The following EPHB1 variants were observed in gnomAD, a reference collection of about 807,000 sequenced individuals.
The protein encoded by EPHB1 is EPH receptor B1, also known as ephrin type-B receptor 1.
EPHB1 carries 30 observed loss-of-function variants against 94.4 expected under a neutral mutation model. The observed-to-expected ratio is 0.32, with a 90% CI of 0.24 to 0.43. The LOEUF is 0.43. Among genes scored for constraint, EPHB1 ranks in the 20% least tolerant of loss-of-function variants. The pLI is 1.00. For synonymous variants in EPHB1, 522 were observed against 489.1 expected (o/e 1.07, Z -0.89); for missense variants, 1,055 against 1,308.3 (o/e 0.81, Z 2.99).
At chr3:135,053,009 A>C (rs1302520241) in intron 3 of EPHB1, among the ~76,000 whole-genome samples, 1 of 35,352 alleles carries the variant, frequency 2.8e-5, no homozygotes. Flanking sequence ...GTGTGTGTAT[A>C]TATATGTGTG....
chr3:135,223,433 A>G (rs1943318389), intron 12 of EPHB1, among the ~76,000 whole-genome samples: 2 of 152,234 alleles, frequency 1.3e-5, no homozygotes, highest in Non-Finnish European at 2.9e-5. Flanking sequence ...TGAAAAGTAT[A>G]GGCCATCAAA....
In EPHB1 at chr3:134,978,990, G is replaced by C. The variant is rs1024058468; in HGVS notation, c.805+26938G>C. Among the ~76,000 whole-genome samples the C allele has an allele frequency of 2.0e-5, 3 of 152,202 alleles. No individual in the cohort carries two copies. The East Asian group carries it at 5.8e-4, about 29-fold the overall frequency. On this transcript the variant is annotated intron_variant, in intron 3 of 15. Transcript: ENST00000398015. ...TGATGTTGTCCTCATGGAGGGTGGG[G>C]CCAGGGGCCTTGGGGTCTGGCATCC...
chr3:135,153,763 GC>G (rs2107694916), intron 5 of EPHB1, among the ~76,000 whole-genome samples: 1 of 152,260 alleles, frequency 6.6e-6, no homozygotes, highest in African/African-American at 2.4e-5. Flanking sequence ...CAATAGCTCA[GC>G]CCACAACTGC....
chr3:134,956,613 G>T (rs149412930), intron 3 of EPHB1, among the ~76,000 whole-genome samples: 2 of 152,244 alleles, frequency 1.3e-5, no homozygotes, highest in East Asian at 3.9e-4. Flanking sequence ...CTAACCTAAA[G>T]ATAGGGGCTG....
At chr3:135,081,324 G>C (rs1938156172) in intron 3 of EPHB1, among the ~76,000 whole-genome samples, 1 of 152,200 alleles carries the variant, frequency 6.6e-6, no homozygotes, top group Non-Finnish European at 1.5e-5. Flanking sequence ...ATGGAGGGTG[G>C]AGGGTGTTTA....
At position 135,251,409 on chromosome 3, in the gene EPHB1, T is replaced by C. The variant is rs576198840; in HGVS notation, c.2846+1918T>C. ...GTGATTTGACTGCGTATGGGGGCCA[T>C]TGTCACGTAATCCCCCAGGATCTAA... On this transcript the variant is annotated intron_variant, in intron 15 of 15. Transcript: ENST00000398015. Among the ~76,000 whole-genome samples the C allele has an allele frequency of 6.6e-5, 10 of 152,270 alleles. No homozygotes were observed. The South Asian group carries it at 1.0e-3, about 16-fold the overall frequency.
chr3:135,226,087 C>T (rs1487432271), intron 12 of EPHB1, among the ~76,000 whole-genome samples: 2 of 152,256 alleles, frequency 1.3e-5, no homozygotes. Context: ...AGTGGGGTTT[C>T]TGTAGTGCAG....
chr3:135,081,649 CT>C (rs758801545), intron 3 of EPHB1, among the ~76,000 whole-genome samples: 2 of 152,150 alleles, frequency 1.3e-5, no homozygotes, highest in Non-Finnish European at 2.9e-5. Context: ...AGGAGTGCTT[CT>C]TATTGGTGGA....
At chr3:134,926,176 A>AGATCAGAGATCTGTGATGCC (rs2107702417) in intron 2 of EPHB1, among the ~76,000 whole-genome samples, 1 of 152,326 alleles carries the variant, frequency 6.6e-6, no homozygotes, top group South Asian at 2.1e-4. Context: ...GCACTGAGGC[A>AGATCAGAGATCTGTGATGCC]GATCAGAGAT....
chr3:135,050,781 C>T (rs1937146488), intron 3 of EPHB1, among the ~76,000 whole-genome samples: 5 of 152,134 alleles, frequency 3.3e-5, no homozygotes, highest in Admixed American at 3.3e-4. Flanking sequence ...TCCTCTCTCG[C>T]CATATGACAC....
In EPHB1 at chr3:135,179,569, G is replaced by A. The variant is rs149598178; in HGVS notation, c.1760-291G>A. ...TTGCCTTCTGTGAGCACCCGGTGTG[G>A]GAACTGGTCCCGATCTGTCACTTAT... On this transcript the variant is annotated intron_variant, in intron 9 of 15. Coordinates refer to ENST00000398015, the MANE Select transcript of EPHB1 (RefSeq NM_004441.5). Among the ~76,000 whole-genome samples, 133 of 152,278 alleles carry A rather than the reference G, an allele frequency of 8.7e-4. 1 individual carries two copies. The highest frequency in any genetic ancestry group is 3.1e-3 in the African/African-American group (127 of 41,560).
intron 1 of EPHB1, among the ~76,000 whole-genome samples, chr3:134,798,752 G>A (rs907712281): frequency 1.3e-5 from 2 of 152,206 alleles, no homozygotes; most frequent in Non-Finnish European, 2.9e-5. Flanking sequence ...TCTGTGAAGC[G>A]AAGGCAGCTG....
chr3:134,888,065 G>A (rs1346268509), intron 1 of EPHB1, among the ~76,000 whole-genome samples: 1 of 152,162 alleles, frequency 6.6e-6, no homozygotes, highest in Non-Finnish European at 1.5e-5. Flanking sequence ...CTCTATCTCT[G>A]GTGCGGCCCC....
At chr3:134,814,217 G>A (rs1408290736) in intron 1 of EPHB1, among the ~76,000 whole-genome samples, 1 of 152,186 alleles carries the variant, frequency 6.6e-6, no homozygotes, top group Admixed American at 6.5e-5. Context: ...TGATATACCT[G>A]TTGCTGGATG....
intron 1 of EPHB1, among the ~76,000 whole-genome samples, chr3:134,848,456 T>A (rs2108298695): frequency 6.6e-6 from 1 of 152,352 alleles, no homozygotes; most frequent in South Asian, 2.1e-4. Context: ...ATTAGGATAA[T>A]AAAATGGAAA....
At chr3:135,240,340 G>A (rs370279120) in intron 12 of EPHB1, among the ~76,000 whole-genome samples, 9 of 152,272 alleles carry the variant, frequency 5.9e-5, no homozygotes, top group African/African-American at 2.2e-4. Context: ...GTGGATAGAT[G>A]TGAATCCCTT....
At position 135,219,114 on chromosome 3, in the gene EPHB1, C is replaced by G. The variant is rs557294023; in HGVS notation, c.2346+17425C>G. ...TGAAAGAAACTGAGGTAGACGTAAGCCTCATCAGAACAGAGGAGGCTAGAA... is the reference window on the plus strand; with the variant it reads ...TGAAAGAAACTGAGGTAGACGTAAGGCTCATCAGAACAGAGGAGGCTAGAA... On this transcript the variant is annotated intron_variant, in intron 12 of 15. Transcript: ENST00000398015. 2.6e-5 allele frequency among the ~76,000 whole-genome samples: 4 copies of G among 152,224 alleles called. No homozygotes were observed. In the South Asian group the frequency reaches 8.3e-4, roughly 32 times the overall value.
Position 135,061,372 on chromosome 3 carries a change from C to CCCA in EPHB1, c.806-45074_806-45073insACC, listed in dbSNP as rs1553727880. On this transcript the variant is annotated intron_variant, in intron 3 of 15. Coordinates refer to ENST00000398015, the MANE Select transcript of EPHB1 (RefSeq NM_004441.5). ...AGCTCCCACTTAGGAATGACCACCC[C>CCCA]CCCCGACCCAAGTCCCCAAAGTCCA... Among the ~76,000 whole-genome samples the CCCA allele has an allele frequency of 1.3e-3, 172 of 130,166 alleles. 6 individuals are homozygous for CCCA. Among genetic ancestry groups the CCCA allele is most frequent in the South Asian group, 5.6e-3 (19 of 3,398 alleles). The allele number at this position is 130,166 out of a possible 152,430, so 85.4% of individuals were successfully genotyped here.
chr3:135,152,699 G>T (rs1941230231), intron 5 of EPHB1, among the ~76,000 whole-genome samples: 1 of 152,156 alleles, frequency 6.6e-6, no homozygotes, highest in African/African-American at 2.4e-5. Context: ...TTGCCCATCA[G>T]AGTAGTCCCA....
Sources: gnomAD v4.1 joint callset for allele counts (sites outside exome capture counted in the v4.1 genomes callset) on GRCh38, gnomAD v4.1.1 for gene constraint, MANE v1.5 for transcripts, NCBI Gene and HGNC (gene_info 2026-07-23, HGNC 2026-07-21) for gene names.